RCSD1: variants seen among roughly 807,000 people sequenced by gnomAD.
RCSD1 encodes the protein capZ-interacting protein.
A neutral mutation model predicts 42.5 loss-of-function variants in RCSD1; 26 were observed. That is an observed-to-expected ratio of 0.61 (90% CI 0.45 to 0.85). The LOEUF (loss-of-function observed/expected upper bound fraction) is 0.85, where lower values mean the gene tolerates loss of function less well. Ranked by LOEUF, RCSD1 falls within the 40% of genes least tolerant of loss-of-function variation. The probability of loss-of-function intolerance (pLI) is 0.00; values close to 1 mark genes in which losing one functional copy is unlikely to be tolerated. For synonymous variants in RCSD1, 220 were observed against 212.2 expected (o/e 1.04, Z -0.32); for missense variants, 571 against 528.3 (o/e 1.08, Z -0.79).
chr1:167,685,776 G>A (rs1659219588), intron 3 of RCSD1, among the ~76,000 whole-genome samples: 1 of 152,114 alleles, frequency 6.6e-6, no homozygotes, highest in Non-Finnish European at 1.5e-5. Flanking sequence ...GAGAATTTTA[G>A]CAAAGAGAAT....
chr1:167,703,090 T>C (rs972612704), intron 6 of RCSD1, among the ~76,000 whole-genome samples: 12 of 152,182 alleles, frequency 7.9e-5, no homozygotes, highest in African/African-American at 2.9e-4. Context: ...ATCCCCTACC[T>C]TTGTAACTTT....
At chr1:167,667,631 A>T (rs1323200207) in intron 1 of RCSD1, among the ~76,000 whole-genome samples, 2 of 152,256 alleles carry the variant, frequency 1.3e-5, no homozygotes, top group African/African-American at 4.8e-5. Flanking sequence ...CAGGAGGCTC[A>T]GATTGTTAAG....
intron 1 of RCSD1, among the ~76,000 whole-genome samples, chr1:167,637,520 C>T (rs1352050259): frequency 6.6e-6 from 1 of 152,216 alleles, no homozygotes; most frequent in Non-Finnish European, 1.5e-5. Flanking sequence ...TCTTCCCCCA[C>T]CTCCTGGCAG....
At chr1:167,649,532 TG>T (rs550398196) in intron 1 of RCSD1, among the ~76,000 whole-genome samples, 1 of 152,020 alleles carries the variant, frequency 6.6e-6, no homozygotes, top group Non-Finnish European at 1.5e-5. Flanking sequence ...CCCAGAGTGA[TG>T]GGGGGGCAGA....
chr1:167,680,878 TG>T (rs1659066721), intron 1 of RCSD1, among the ~76,000 whole-genome samples: 1 of 152,232 alleles, frequency 6.6e-6, no homozygotes, highest in African/African-American at 2.4e-5. Context: ...CAGGAAAGTC[TG>T]GGAATAGGTA....
At chr1:167,701,156 G>T (rs1406308956) in intron 6 of RCSD1, among the ~76,000 whole-genome samples, 1 of 152,164 alleles carries the variant, frequency 6.6e-6, no homozygotes, top group Non-Finnish European at 1.5e-5. Flanking sequence ...AGAAAGAGTA[G>T]CTCCACTTCC....
intron 1 of RCSD1, among the ~76,000 whole-genome samples, chr1:167,676,095 G>A (rs1419906911): frequency 6.6e-6 from 1 of 152,166 alleles, no homozygotes; most frequent in African/African-American, 2.4e-5. Context: ...TCCTTCCAAT[G>A]AGCCTGTAAC....
At chr1:167,669,051 T>C (rs3753927) in intron 1 of RCSD1, among the ~76,000 whole-genome samples, 17,973 of 152,288 alleles carry the variant, frequency 0.12, 1,223 homozygotes, top group Non-Finnish European at 0.16. Context: ...ACACTTCCCC[T>C]ATGCATTAAT....
intron 6 of RCSD1, among the ~76,000 whole-genome samples, chr1:167,699,783 T>C (rs1558095459): frequency 6.6e-6 from 1 of 152,212 alleles, no homozygotes; most frequent in African/African-American, 2.4e-5. Flanking sequence ...AGCAAGCTCA[T>C]TCCCACTTCA....
At chr1:167,648,114 T>C (rs372041994) in intron 1 of RCSD1, among the ~76,000 whole-genome samples, 1 of 152,242 alleles carries the variant, frequency 6.6e-6, no homozygotes, top group Non-Finnish European at 1.5e-5. Context: ...ATCTTTTCTC[T>C]TAACATTATT....
At chr1:167,698,801 G>T (rs1347175778) in intron 6 of RCSD1, among the ~76,000 whole-genome samples, 1 of 147,570 alleles carries the variant, frequency 6.8e-6, no homozygotes, top group Non-Finnish European at 1.5e-5. Flanking sequence ...TTTTGTTTTT[G>T]TTTTTGTTTT....
At chr1:167,663,171 T>G (rs1054381845) in intron 1 of RCSD1, among the ~76,000 whole-genome samples, 1 of 152,196 alleles carries the variant, frequency 6.6e-6, no homozygotes, top group Non-Finnish European at 1.5e-5. Context: ...GCTCAGAGAC[T>G]TAACCCCGTA....
At position 167,639,140 on chromosome 1, in the gene RCSD1, C is replaced by A. The variant is rs190797932; in HGVS notation, c.6+8711C>A. Among the ~76,000 whole-genome samples the A allele has an allele frequency of 3.2e-3, 481 of 152,272 alleles. 3 individuals are homozygous for A. The highest frequency in any genetic ancestry group is 0.011 in the African/African-American group (460 of 41,554). On this transcript the variant is annotated intron_variant, in intron 1 of 6. Coordinates refer to ENST00000367854, the MANE Select transcript of RCSD1 (RefSeq NM_052862.4). ...GCTGAGGCAGGAGAATGGCGTGAAC[C>A]CGGGAAGCGGAGGTTGCAGTGAGCA...
intron 2 of RCSD1, 72 bp downstream of exon 2, chr1:167,684,073 C>T (rs958190252): frequency 4.2e-5 from 53 of 1,264,074 alleles, no homozygotes; most frequent in Middle Eastern, 3.9e-4. Flanking sequence ...TCAGGCCCAG[C>T]GGAGAGGGAG....
intron 1 of RCSD1, 94 bp downstream of exon 1, chr1:167,630,523 C>T: frequency 3.1e-6 from 4 of 1,300,162 alleles, no homozygotes; most frequent in Non-Finnish European, 4.0e-6. Context: ...GAGCATGGAG[C>T]ACGCGGCTCA....
At chr1:167,679,214 G>T (rs1158444702) in intron 1 of RCSD1, among the ~76,000 whole-genome samples, 1 of 151,996 alleles carries the variant, frequency 6.6e-6, no homozygotes, top group African/African-American at 2.4e-5. Context: ...TGCACTTACT[G>T]ACTTGAATAG....
intron 1 of RCSD1, among the ~76,000 whole-genome samples, chr1:167,682,383 G>A (rs1659103358): frequency 6.6e-6 from 1 of 152,142 alleles, no homozygotes; most frequent in Admixed American, 6.5e-5. Context: ...TGGCTAGACT[G>A]GTCTCGAACT....
At position 167,700,859 on chromosome 1, in the gene RCSD1, G is replaced by A. The variant is rs536647565; in HGVS notation, c.1218+3017G>A. Among the ~76,000 whole-genome samples, 6 of 152,230 alleles carry A rather than the reference G, an allele frequency of 3.9e-5. No homozygotes were observed. The East Asian group carries it at 9.6e-4, about 24-fold the overall frequency. On this transcript the variant is annotated intron_variant, in intron 6 of 6. Transcript: ENST00000367854. ...TTGCTACATCTTATTTTCAGGTTAG[G>A]AGACACCTGCCTTGCCAAGAGACCT...
chr1:167,660,506 C>T (rs894942811), intron 1 of RCSD1, among the ~76,000 whole-genome samples: 1 of 151,128 alleles, frequency 6.6e-6, no homozygotes, highest in Non-Finnish European at 1.5e-5. Flanking sequence ...GGGTCTTACT[C>T]TGTTGCAGGC....
Sources: gnomAD v4.1 joint callset for allele counts (sites outside exome capture counted in the v4.1 genomes callset) on GRCh38, gnomAD v4.1.1 for gene constraint, MANE v1.5 for transcripts, NCBI Gene and HGNC (gene_info 2026-07-23, HGNC 2026-07-21) for gene names.